SNX29: variants seen among roughly 807,000 people sequenced by gnomAD.
SNX29 encodes the protein sorting nexin-29.
A neutral mutation model predicts 102.1 loss-of-function variants in SNX29; 78 were observed. That is an observed-to-expected ratio of 0.76 (90% CI 0.64 to 0.92). The LOEUF (loss-of-function observed/expected upper bound fraction) is 0.92, where lower values mean the gene tolerates loss of function less well. SNX29 is among the 40% of genes least tolerant of loss of function. The probability of loss-of-function intolerance (pLI) is 0.00; values close to 1 mark genes in which losing one functional copy is unlikely to be tolerated. For missense variants in SNX29, 1,280 were observed against 1,061.7 expected, an observed-to-expected ratio of 1.21 and a Z score of -2.86; for synonymous variants, 580 against 414.5, an observed-to-expected ratio of 1.40 and a Z score of -4.85.
chr16:12,568,468 T>C (rs752541300), intron 20 of SNX29, 38 bp from the exon 21 acceptor site: 10 of 1,604,972 alleles, frequency 6.2e-6, no homozygotes, highest in Non-Finnish European at 8.5e-6. Flanking sequence ...TTGCTTTTCA[T>C]CCCCAGACTT....
At chr16:12,520,373 A>T (rs1489892093) in intron 19 of SNX29, among the ~76,000 whole-genome samples, 1 of 152,190 alleles carries the variant, frequency 6.6e-6, no homozygotes, top group Non-Finnish European at 1.5e-5. Context: ...TGGAAGGCTG[A>T]AAGTTGTCTT....
chr16:12,047,380 C>T (rs2050131092), intron 6 of SNX29, among the ~76,000 whole-genome samples: 2 of 152,142 alleles, frequency 1.3e-5, no homozygotes, highest in African/African-American at 4.8e-5. Context: ...TATACTAAAT[C>T]TCAAATATCT....
chr16:12,116,928 C>T (rs964848767), intron 11 of SNX29, among the ~76,000 whole-genome samples: 4 of 152,152 alleles, frequency 2.6e-5, no homozygotes, highest in Admixed American at 1.3e-4. Flanking sequence ...ATACGTGCTT[C>T]AACGAGGACG....
intron 14 of SNX29, among the ~76,000 whole-genome samples, chr16:12,237,327 C>G (rs1312468355): frequency 2.0e-5 from 3 of 152,218 alleles, no homozygotes; most frequent in African/African-American, 7.2e-5. Flanking sequence ...GGGAGCTGTG[C>G]CTCTGTCTGG....
At position 12,544,437 on chromosome 16, in the gene SNX29, C is replaced by T. The variant is rs113546936; in HGVS notation, c.2318+19596C>T. On this transcript the variant is annotated intron_variant, in intron 20 of 20. Transcript: ENST00000566228. ...GTCAGCTGGTGGGATTTGGACGTTT[C>T]TCTTTCTCTACCCTATCTCATTCTG... Among the ~76,000 whole-genome samples, 113 of 152,318 alleles carry T rather than the reference C, an allele frequency of 7.4e-4. 1 individual carries two copies. The Middle Eastern group carries it at 0.01, about 14-fold the overall frequency.
intron 19 of SNX29, among the ~76,000 whole-genome samples, chr16:12,520,705 C>T (rs891522660): frequency 1.1e-4 from 16 of 152,170 alleles, no homozygotes; most frequent in African/African-American, 3.9e-4. Context: ...GAATGGAAAA[C>T]CGAATCCCGT....
chr16:12,038,004 C>G (rs939460629), intron 4 of SNX29, among the ~76,000 whole-genome samples: 1 of 151,952 alleles, frequency 6.6e-6, no homozygotes, highest in Non-Finnish European at 1.5e-5. Flanking sequence ...AAAAAAAACC[C>G]CAAACAAGGA....
At chr16:12,141,755 G>A (rs1175025450) in intron 13 of SNX29, among the ~76,000 whole-genome samples, 3 of 152,178 alleles carry the variant, frequency 2.0e-5, no homozygotes, top group Admixed American at 2.0e-4. Flanking sequence ...CAGTGAGGAC[G>A]ACCAGAGGTC....
intron 19 of SNX29, among the ~76,000 whole-genome samples, chr16:12,503,526 A>G (rs2089225717): frequency 6.6e-6 from 1 of 152,180 alleles, no homozygotes; most frequent in Non-Finnish European, 1.5e-5. Context: ...GAGTATCAAC[A>G]TTTCAGTGAG....
intron 14 of SNX29, among the ~76,000 whole-genome samples, chr16:12,231,712 C>T (rs2077776219): frequency 6.6e-6 from 1 of 152,140 alleles, no homozygotes; most frequent in South Asian, 2.1e-4. Context: ...TTTCGGGTTT[C>T]CATATTGCTC....
intron 1 of SNX29, among the ~76,000 whole-genome samples, chr16:11,985,257 T>C (rs1201636438): frequency 6.6e-6 from 1 of 152,144 alleles, no homozygotes; most frequent in Non-Finnish European, 1.5e-5. Context: ...CATTGGATGA[T>C]AGTTTGGTGC....
chr16:12,570,457 G>C lies in SNX29; in HGVS notation c.*1828G>C, dbSNP rs1351089207. The C allele has an allele frequency of 8.4e-6, 2 of 237,578 alleles. No homozygotes were observed. The highest frequency in any genetic ancestry group is 1.6e-5 in the Non-Finnish European group (2 of 122,270). The allele number at this position is 237,578 out of a possible 1,614,324, so 14.7% of individuals were successfully genotyped here. On this transcript the variant is annotated 3_prime_UTR_variant, in exon 21 of 21. Transcript: ENST00000566228. ...AGAGAGCCCTAATGGACTGAGGCAG[G>C]AAACGTCTAAAAGCTCAATCTGCTG...
Position 12,572,200 on chromosome 16 carries a change from T to C in SNX29, c.*3571T>C, listed in dbSNP as rs1342182478. ...TTCTTAGAACCATGGCAGGTAGTAT[T>C]GTGCTTTAAAAACCAGAGGCTCCTG... On this transcript the variant is annotated 3_prime_UTR_variant, in exon 21 of 21. Transcript: ENST00000566228. 1 of 973,184 alleles carries C rather than the reference T, an allele frequency of 1.0e-6. No homozygotes were observed. The highest frequency in any genetic ancestry group is 5.4e-5 in the Admixed American group (1 of 18,500). The allele number at this position is 973,184 out of a possible 1,614,324, so 60.3% of individuals were successfully genotyped here.
chr16:12,570,042 G>A lies in SNX29; in HGVS notation c.*1413G>A, dbSNP rs1226114310. ...CCAGGTGAGCATGGAGCATCTCCTA[G>A]GCTCGAGGACATCTCTGGAGAATCA... On this transcript the variant is annotated 3_prime_UTR_variant, in exon 21 of 21. Transcript: ENST00000566228. 1 of 467,508 alleles carries A rather than the reference G, an allele frequency of 2.1e-6. No individual in the cohort carries two copies. Among genetic ancestry groups the A allele is most frequent in the African/African-American group, 2.0e-5 (1 of 49,424 alleles). 29.0% of individuals were successfully genotyped at this position (467,508 alleles called of 1,614,324 possible).
At chr16:12,227,629 G>A (rs895268739) in intron 14 of SNX29, among the ~76,000 whole-genome samples, 6 of 152,146 alleles carry the variant, frequency 3.9e-5, no homozygotes. Flanking sequence ...GCCGGGCGCG[G>A]TGGCTCATGC....
chr16:12,061,593 A>C lies in SNX29; in HGVS notation c.1190A>C (p.Asn397Thr), dbSNP rs1301281304. The change falls in exon 9 of 21, where the codon AAT becomes ACT. Residue 397 changes from asparagine (N) to threonine (T), a missense_variant. Asn to Thr is a moderately conservative substitution (Grantham distance 65). Transcript: ENST00000566228. The part of the protein sequence containing the change: ...HSWAPLKVLH[N>T]DSDILFPVSG... ...TGGGCTCCGCTGAAGGTGCTGCACA[A>C]TGACTCCGACATCCTCTTCCCTGTC... 1 of 1,612,084 alleles carries C rather than the reference A, an allele frequency of 6.2e-7. No individual in the cohort carries two copies.
chr16:12,375,201 C>G (rs532401819), intron 16 of SNX29: 4 of 152,116 alleles, frequency 2.6e-5, no homozygotes, highest in African/African-American at 9.7e-5. Context: ...AGTTTTAGCC[C>G]CCATTATTTT....
intron 13 of SNX29, among the ~76,000 whole-genome samples, chr16:12,150,823 A>T (rs951721630): frequency 1.3e-5 from 2 of 152,148 alleles, no homozygotes; most frequent in African/African-American, 4.8e-5. Flanking sequence ...TTTTATCTGA[A>T]TTGGAAATTG....
intron 10 of SNX29, among the ~76,000 whole-genome samples, chr16:12,078,385 G>T (rs2051688976): frequency 6.6e-6 from 1 of 152,118 alleles, no homozygotes; most frequent in African/African-American, 2.4e-5. Context: ...TGAGGCACAA[G>T]AATCGCTTGA....
Sources: gnomAD v4.1 joint callset for allele counts (sites outside exome capture counted in the v4.1 genomes callset) on GRCh38, gnomAD v4.1.1 for gene constraint, MANE v1.5 for transcripts, NCBI Gene and HGNC (gene_info 2026-07-23, HGNC 2026-07-21) for gene names.